The following CEP128 variants were observed in gnomAD, a reference collection of about 807,000 sequenced individuals.
CEP128 encodes the protein centrosomal protein 128.
CEP128 carries 132 observed loss-of-function variants against 156.7 expected under a neutral mutation model. That is an observed-to-expected ratio of 0.84 (90% CI 0.73 to 0.97). The LOEUF (loss-of-function observed/expected upper bound fraction) is 0.97. Ranked by LOEUF, CEP128 falls within the 50% of genes least tolerant of loss-of-function variation. CEP128 has a pLI of 0.00. For synonymous variants in CEP128, 469 were observed against 448.9 expected (o/e 1.04, Z -0.57); for missense variants, 1,252 against 1,281.9 (o/e 0.98, Z 0.36).
chr14:80,904,365 G>A (rs143291450), intron 6 of CEP128, among the ~76,000 whole-genome samples: 2 of 152,070 alleles, frequency 1.3e-5, no homozygotes, highest in East Asian at 1.9e-4. Context: ...GGAGAGAAAG[G>A]GGAGTTGTTG....
intron 20 of CEP128, among the ~76,000 whole-genome samples, chr14:80,562,120 G>T (rs1365482980): frequency 1.3e-5 from 2 of 151,728 alleles, no homozygotes; most frequent in Non-Finnish European, 2.9e-5. Flanking sequence ...TAGAGACGGG[G>T]TTTCACCATG....
chr14:80,552,594 T>A (rs1890254718), intron 21 of CEP128, among the ~76,000 whole-genome samples: 1 of 152,192 alleles, frequency 6.6e-6, no homozygotes, highest in Admixed American at 6.5e-5. Flanking sequence ...TACAAAATTT[T>A]AAGTAAAATA....
chr14:80,736,705 C>T (rs1898549978), intron 19 of CEP128, among the ~76,000 whole-genome samples: 1 of 152,116 alleles, frequency 6.6e-6, no homozygotes, highest in East Asian at 1.9e-4. Flanking sequence ...AAATTTTAGG[C>T]CCGTTACACA....
chr14:80,790,599 T>TA (rs537478682), intron 14 of CEP128, among the ~76,000 whole-genome samples: 236 of 152,126 alleles, frequency 1.6e-3, no homozygotes, highest in Middle Eastern at 6.8e-3. Context: ...CCTGCAGTGA[T>TA]ACGCGATTTG....
chr14:80,753,970 T>A (rs1250285655), intron 18 of CEP128, among the ~76,000 whole-genome samples: 3 of 152,182 alleles, frequency 2.0e-5, no homozygotes, highest in Admixed American at 6.5e-5. Flanking sequence ...TCTATCTCAC[T>A]GTATGGGAAA....
rs183919176 is a variant in CEP128, at chr14:80,624,802, C to T, written c.2807-44379G>A. Among the ~76,000 whole-genome samples, 223 of 152,140 alleles carry T rather than the reference C, an allele frequency of 1.5e-3. 1 individual carries two copies. The highest frequency in any genetic ancestry group is 5.1e-3 in the African/African-American group (213 of 41,548). On this transcript the variant is annotated intron_variant, in intron 19 of 24. Coordinates refer to ENST00000555265, the MANE Select transcript of CEP128 (RefSeq NM_152446.5). ...TCTGTTGAGTTGTCTGAGTTCTTTA[C>T]ATATTCTGAATATTAGTCCTTGTCA...
At chr14:80,495,411 T>C (rs894082298), downstream of CEP128, among the ~76,000 whole-genome samples, 12 of 152,168 alleles carry the variant, frequency 7.9e-5, no homozygotes, top group African/African-American at 2.2e-4. Context: ...TTTGACAAAA[T>C]TGTTGTTCAC....
At chr14:80,682,667 A>G (rs1161839247) in intron 19 of CEP128, among the ~76,000 whole-genome samples, 1 of 152,218 alleles carries the variant, frequency 6.6e-6, no homozygotes, top group Non-Finnish European at 1.5e-5. Flanking sequence ...TTAATGCTAA[A>G]GAAAAAGTCT....
intron 11 of CEP128, among the ~76,000 whole-genome samples, chr14:80,837,069 A>G: frequency 6.6e-6 from 1 of 152,254 alleles, no homozygotes; most frequent in Admixed American, 6.5e-5. Flanking sequence ...AATTAATTCC[A>G]TGTGACCACT....
intron 19 of CEP128, among the ~76,000 whole-genome samples, chr14:80,733,339 CGTGTGTGTGTGTGTGTGT>C (rs55964142): frequency 0.02 from 2,779 of 140,236 alleles, 97 homozygotes; most frequent in African/African-American, 0.07. Context: ...CCACATGGGT[CGTGTGTGTGTGTGTGTGT>C]GTGTGTGTGT....
In CEP128 at chr14:80,837,067, C is replaced by T. The variant is rs548159813; in HGVS notation, c.925-730G>A. 3.3e-5 allele frequency among the ~76,000 whole-genome samples: 5 copies of T among 152,310 alleles called. 1 individual carries two copies. The highest frequency in any genetic ancestry group is 1.2e-4 in the African/African-American group (5 of 41,576). On this transcript the variant is annotated intron_variant, in intron 11 of 24. Transcript: ENST00000555265. ...AGTTTGAACTCTGCCAAAATTAATT[C>T]CATGTGACCACTGGCTGCAGAACAA...
At chr14:80,614,647 T>A (rs963098560) in intron 19 of CEP128, among the ~76,000 whole-genome samples, 1 of 152,224 alleles carries the variant, frequency 6.6e-6, no homozygotes, top group Non-Finnish European at 1.5e-5. Flanking sequence ...TCTATTTTCA[T>A]AGTGCTGCTC....
At chr14:80,529,223 G>A (rs1448691468) in intron 22 of CEP128, among the ~76,000 whole-genome samples, 1 of 152,152 alleles carries the variant, frequency 6.6e-6, no homozygotes, top group Admixed American at 6.5e-5. Flanking sequence ...CATGCACTGT[G>A]TGCATAACAC....
At chr14:80,796,227 G>T (rs1185878824) in intron 13 of CEP128, among the ~76,000 whole-genome samples, 1 of 152,198 alleles carries the variant, frequency 6.6e-6, no homozygotes, top group Non-Finnish European at 1.5e-5. Context: ...GGGAGGCCGA[G>T]GTGGGCGGAT....
chr14:80,614,051 G>C (rs1345127208), intron 19 of CEP128, among the ~76,000 whole-genome samples: 1 of 151,894 alleles, frequency 6.6e-6, no homozygotes, highest in Non-Finnish European at 1.5e-5. Flanking sequence ...GACAAGACTA[G>C]ATTTTTAAAT....
At chr14:80,599,625 AAAG>A (rs968956847) in intron 19 of CEP128, among the ~76,000 whole-genome samples, 1 of 152,060 alleles carries the variant, frequency 6.6e-6, no homozygotes, top group Non-Finnish European at 1.5e-5. Context: ...TTTCTAAAGC[AAAG>A]TATATAGTTA....
At chr14:80,525,326 G>A (rs536585590) in intron 23 of CEP128, among the ~76,000 whole-genome samples, 10 of 152,232 alleles carry the variant, frequency 6.6e-5, no homozygotes, top group East Asian at 3.9e-4. Flanking sequence ...TTTTCATCCC[G>A]ATTCAACCAT....
intron 23 of CEP128, among the ~76,000 whole-genome samples, chr14:80,525,587 G>A (rs896374719): frequency 2.0e-5 from 3 of 152,122 alleles, no homozygotes; most frequent in Non-Finnish European, 4.4e-5. Flanking sequence ...TGAGTTTGTA[G>A]GACTTGACTG....
chr14:80,728,381 G>A (rs1019416173), intron 19 of CEP128, among the ~76,000 whole-genome samples: 10 of 152,132 alleles, frequency 6.6e-5, no homozygotes, highest in Non-Finnish European at 1.0e-4. Flanking sequence ...GATGGGAGAG[G>A]GGTGAGGATG....
Sources: allele counts gnomAD v4.1 joint callset (sites outside exome capture counted in the v4.1 genomes callset), GRCh38; gene constraint gnomAD v4.1.1; transcripts MANE v1.5; gene names NCBI Gene and HGNC (gene_info 2026-07-23, HGNC 2026-07-21).